The following ETF1 variants were observed in gnomAD, a reference collection of about 807,000 sequenced individuals.
The protein encoded by ETF1 is eukaryotic peptide chain release factor subunit 1.
In ETF1, 4 loss-of-function variants were observed where a neutral mutation model predicts 55.1. The ratio of observed to expected loss-of-function variants is 0.07; its 90% confidence interval spans 0.04 to 0.17. ETF1 has a LOEUF of 0.17. Ranked by LOEUF, ETF1 falls within the 10% of genes least tolerant of loss-of-function variation. The pLI, the probability that ETF1 is intolerant of heterozygous loss-of-function variation, is 1.00. For synonymous variants in ETF1, 157 were observed against 182.3 expected (o/e 0.86, Z 1.12); for missense variants, 142 against 523.6 (o/e 0.27, Z 7.11).
intron 8 of ETF1, 115 bp downstream of exon 8, chr5:138,510,930 A>G: frequency 1.3e-6 from 2 of 1,505,942 alleles, no homozygotes; most frequent in South Asian, 2.7e-5. Context: ...GGACTGGGGA[A>G]CAATGGGTAG....
intron 2 of ETF1, among the ~76,000 whole-genome samples, chr5:138,524,974 T>C (rs1306029598): frequency 6.6e-6 from 1 of 152,010 alleles, no homozygotes; most frequent in Non-Finnish European, 1.5e-5. Context: ...GTATACAAAA[T>C]ACATTCATCA....
chr5:138,521,092 T>C (rs1323326112), intron 2 of ETF1, among the ~76,000 whole-genome samples: 1 of 152,104 alleles, frequency 6.6e-6, no homozygotes, highest in Admixed American at 6.6e-5. Context: ...AAACATCCAC[T>C]GGTGGATGAA....
chr5:138,517,697 G>A lies in ETF1; in HGVS notation c.266C>T (p.Pro89Leu), dbSNP rs1483770610. ...ACAGTATACAACCAGACCATTTGGA[G>A]GTACTGCAAAGAACACAAACAATTT... ...QQRLKLYNKVPPNGLVVYCGT... is the reference protein window; with the variant it reads ...QQRLKLYNKVLPNGLVVYCGT... The change falls in exon 4 of 11, where the codon CCT (proline) becomes CTT (leucine). Residue 89 changes from proline to leucine, a missense_variant. Coordinates refer to ENST00000360541, the MANE Select transcript of ETF1 (RefSeq NM_004730.4). 1.4e-6 allele frequency: 2 copies of A among 1,477,672 alleles called. No individual in the cohort carries two copies. Among genetic ancestry groups the A allele is most frequent in the South Asian group, 2.8e-5 (2 of 71,524 alleles). 91.5% of individuals were successfully genotyped at this position (1,477,672 alleles called of 1,614,324 possible).
rs1764569449 is a variant in ETF1, at chr5:138,506,631, T to C, written c.*1674A>G. ...GTGAACACCAAATAATGGACTCTTC[T>C]CACAGGGGGTTGAGACATCAGGTTA... On this transcript the variant is annotated 3_prime_UTR_variant, in exon 11 of 11. Coordinates refer to ENST00000360541, the MANE Select transcript of ETF1 (RefSeq NM_004730.4). 6.5e-6 allele frequency: 1 copy of C among 152,682 alleles called. No individual in the cohort carries two copies. Among genetic ancestry groups the C allele is most frequent in the Admixed American group, 6.5e-5 (1 of 15,292 alleles). 9.5% of individuals were successfully genotyped at this position (152,682 alleles called of 1,614,324 possible).
Position 138,522,336 on chromosome 5 carries a change from T to C in ETF1, c.87-3469A>G, listed in dbSNP as rs564150790. On this transcript the variant is annotated intron_variant, in intron 2 of 10. Coordinates refer to ENST00000360541, the MANE Select transcript of ETF1 (RefSeq NM_004730.4). The stretch of plus-strand genomic sequence containing the variant: ...ACCCAAATAAAAAATGGGCAAAGGG[T>C]GTGAGGAGACATTTCTACAAAGACA... 5.3e-5 allele frequency among the ~76,000 whole-genome samples: 8 copies of C among 151,842 alleles called. No homozygotes were observed. In the East Asian group the frequency reaches 1.5e-3, roughly 29 times the overall value.
chr5:138,511,343 CT>C, intron 7 of ETF1, 131 bp downstream of exon 7: 1 of 1,499,624 alleles, frequency 6.7e-7, no homozygotes, highest in Non-Finnish European at 8.9e-7. Flanking sequence ...CTAAATATTC[CT>C]TTTTACATTT....
intron 5 of ETF1, 165 bp from the exon 6 acceptor site, chr5:138,513,119 C>T (rs933744727): frequency 6.1e-6 from 6 of 985,182 alleles, no homozygotes; most frequent in African/African-American, 5.2e-5. Flanking sequence ...TTTCAGAGAG[C>T]GACTACTAAG....
intron 2 of ETF1, among the ~76,000 whole-genome samples, chr5:138,523,275 G>GTTC (rs1765311871): frequency 6.6e-6 from 1 of 152,184 alleles, no homozygotes; most frequent in Non-Finnish European, 1.5e-5. Context: ...GGTGAGGCAG[G>GTTC]AGAATCGCTT....
chr5:138,529,799 C>T (rs1765620333), intron 2 of ETF1: 6 of 773,056 alleles, frequency 7.8e-6, no homozygotes, highest in Non-Finnish European at 9.4e-6. Flanking sequence ...GTCACCCAGA[C>T]TGGAGTGCAG....
Position 138,543,185 on chromosome 5 carries a change from C to G in ETF1, c.-107G>C, listed in dbSNP as rs1766261728. 4 of 563,412 alleles carry G rather than the reference C, an allele frequency of 7.1e-6. No individual in the cohort carries two copies. The highest frequency in any genetic ancestry group is 1.3e-5 in the Non-Finnish European group (4 of 319,216). 34.9% of individuals were successfully genotyped at this position (563,412 alleles called of 1,614,324 possible). A position where few individuals can be genotyped will look rare whatever the true frequency, so the allele number is the denominator to read the frequency against. ...GGCTCTGACGTAGGACACCGGCTCCCTCTCTCCAGGCAGCTGCATGTGTTG... is the reference window on the plus strand; with the variant it reads ...GGCTCTGACGTAGGACACCGGCTCCGTCTCTCCAGGCAGCTGCATGTGTTG... On this transcript the variant is annotated 5_prime_UTR_variant, in exon 1 of 11. Coordinates refer to ENST00000360541, the MANE Select transcript of ETF1 (RefSeq NM_004730.4).
At chr5:138,527,002 C>T (rs1765500780) in intron 2 of ETF1, among the ~76,000 whole-genome samples, 1 of 152,024 alleles carries the variant, frequency 6.6e-6, no homozygotes, top group Non-Finnish European at 1.5e-5. Flanking sequence ...GCCTGACCTT[C>T]TAATTTTTGT....
intron 3 of ETF1, among the ~76,000 whole-genome samples, chr5:138,518,467 C>G (rs926361622): frequency 6.6e-6 from 1 of 152,144 alleles, no homozygotes; most frequent in African/African-American, 2.4e-5. Flanking sequence ...CCTGCCTCAG[C>G]TTCCCAAAGT....
chr5:138,524,190 C>CAAA (rs112748888), intron 2 of ETF1, among the ~76,000 whole-genome samples: 1 of 74,302 alleles, frequency 1.3e-5, no homozygotes, highest in Non-Finnish European at 2.8e-5. Flanking sequence ...GACTCTGTCT[C>CAAA]AAAAAAAAAA....
chr5:138,511,870 G>T, intron 6 of ETF1: 1 of 985,086 alleles, frequency 1.0e-6, no homozygotes, highest in Non-Finnish European at 1.2e-6. Flanking sequence ...TGGAGGAAAG[G>T]GGGGACCACT....
Position 138,513,034 on chromosome 5 carries a change from T to C in ETF1, c.542-80A>G, listed in dbSNP as rs1764878326. 3.5e-6 allele frequency: 5 copies of C among 1,426,458 alleles called. No individual in the cohort carries two copies. In the South Asian group the frequency reaches 6.6e-5, roughly 19 times the overall value. The allele number at this position is 1,426,458 out of a possible 1,614,324, so 88.4% of individuals were successfully genotyped here. ...CTTCAAATTAAAAATAAAATAATCA[T>C]GTCATCATCTAAGAAAAGGACAAAG... On this transcript the variant is annotated intron_variant, in intron 5 of 10. Transcript: ENST00000360541.
At chr5:138,542,675 G>A (rs900223322) in intron 2 of ETF1, 158 bp downstream of exon 2, 3 of 1,444,206 alleles carry the variant, frequency 2.1e-6, no homozygotes, top group African/African-American at 2.9e-5. Context: ...CAACCGCGCC[G>A]ACCCTCGCCC....
At position 138,511,026 on chromosome 5, in the gene ETF1, T is replaced by C; in HGVS notation, c.1018+19A>G. 6.2e-7 allele frequency: 1 copy of C among 1,609,548 alleles called. No individual in the cohort carries two copies. Among genetic ancestry groups the C allele is most frequent in the Non-Finnish European group, 8.5e-7 (1 of 1,177,754 alleles). ...CTGGCTCAGTAACAAATAGCAACCT[T>C]ATTTTCTAATTCTCATACCTTCTGT... On this transcript the variant is annotated intron_variant, in intron 8 of 10. Transcript: ENST00000360541.
At position 138,508,717 on chromosome 5, in the gene ETF1, T is replaced by C; in HGVS notation, c.1183A>G (p.Lys395Glu). 6.2e-7 allele frequency: 1 copy of C among 1,613,338 alleles called. No individual in the cohort carries two copies. The highest frequency in any genetic ancestry group is 8.5e-7 in the Non-Finnish European group (1 of 1,180,034). ...FGATLEIVTDKSQEGSQFVKG... is the reference protein window; with the variant it reads ...FGATLEIVTDESQEGSQFVKG... ...ACAAACTGAGACCCTTCTTGTGATT[T>C]ATCTGTGACAATTTCCAACGTAGCT... Residue 395 changes from lysine to glutamate, a missense_variant, in exon 10 of 11, where the codon AAA (lysine) becomes GAA (glutamate). Lys to Glu is a moderately conservative substitution (Grantham distance 56). Coordinates refer to ENST00000360541, the MANE Select transcript of ETF1 (RefSeq NM_004730.4).
intron 6 of ETF1, among the ~76,000 whole-genome samples, chr5:138,512,281 A>C (rs1764853118): frequency 9.9e-6 from 1 of 101,416 alleles, no homozygotes; most frequent in Non-Finnish European, 1.8e-5. Flanking sequence ...TTTAAAGGCA[A>C]TTTCTTTGGT....
Sources: allele counts gnomAD v4.1 joint callset (sites outside exome capture counted in the v4.1 genomes callset), GRCh38; gene constraint gnomAD v4.1.1; transcripts MANE v1.5; gene names NCBI Gene and HGNC (gene_info 2026-07-23, HGNC 2026-07-21).